The following ADAMTS14 variants were observed in gnomAD, a reference collection of about 807,000 sequenced individuals.
ADAMTS14 encodes ADAM metallopeptidase with thrombospondin type 1 motif 14, also known as A disintegrin and metalloproteinase with thrombospondin motifs 14.
A neutral mutation model predicts 128.6 loss-of-function variants in ADAMTS14; 100 were observed. The ratio of observed to expected loss-of-function variants is 0.78; its 90% CI spans 0.66 to 0.92. The LOEUF is 0.92. Ranked by LOEUF, ADAMTS14 falls within the 40% of genes least tolerant of loss-of-function variation. ADAMTS14 has a pLI of 0.00. For missense variants in ADAMTS14, 1,562 were observed against 1,658.6 expected (o/e 0.94, Z 1.01); for synonymous variants, 665 against 653.8 (o/e 1.02, Z -0.26).
At position 70,729,277 on chromosome 10, in the gene ADAMTS14, G is replaced by T. The variant is rs747633273; in HGVS notation, c.871-17G>T. 43 of 1,604,968 alleles carry T rather than the reference G, an allele frequency of 2.7e-5. No homozygotes were observed. The South Asian group carries it at 3.0e-4, about 11-fold the overall frequency. ...AATGAATGTTTCCTTCCCTTAAACT[G>T]TATTTTCTTCTTGCAGGTAGATGAG... On this transcript the variant is annotated splice_polypyrimidine_tract_variant and intron_variant, in intron 4 of 21. Transcript: ENST00000373207.
At chr10:70,698,345 A>G (rs1260350511) in intron 2 of ADAMTS14, among the ~76,000 whole-genome samples, 1 of 152,202 alleles carries the variant, frequency 6.6e-6, no homozygotes, top group Non-Finnish European at 1.5e-5. Flanking sequence ...GAGTACTTTA[A>G]TGAGGAGGCA....
intron 2 of ADAMTS14, among the ~76,000 whole-genome samples, chr10:70,690,273 A>C (rs1329616093): frequency 6.9e-6 from 1 of 144,280 alleles, no homozygotes; most frequent in Non-Finnish European, 1.6e-5. Context: ...GTGTGGCCAA[A>C]TCTGGAACCT....
At chr10:70,704,538 CAT>C (rs775369643) in intron 3 of ADAMTS14, among the ~76,000 whole-genome samples, 59 of 151,428 alleles carry the variant, frequency 3.9e-4, no homozygotes, top group Admixed American at 1.2e-3. Context: ...CACACTCACA[CAT>C]AGACACACAC....
chr10:70,758,360 A>G (rs138406578), intron 21 of ADAMTS14, 75 bp downstream of exon 21: 17,339 of 1,356,556 alleles, frequency 0.013, 156 homozygotes, highest in Non-Finnish European at 0.015. Flanking sequence ...TGGGCCACTC[A>G]GTGGAGCAAA....
intron 4 of ADAMTS14, among the ~76,000 whole-genome samples, chr10:70,721,019 C>CTTTTTTTT (rs56656736): frequency 0.012 from 1,042 of 84,140 alleles, 2 homozygotes; most frequent in Non-Finnish European, 0.014. Flanking sequence ...TCTCTTTTTT[C>CTTTTTTTT]TTTTTTTTTT....
chr10:70,741,813 G>C (rs1842009212), intron 12 of ADAMTS14, among the ~76,000 whole-genome samples: 1 of 152,198 alleles, frequency 6.6e-6, no homozygotes, highest in Non-Finnish European at 1.5e-5. Context: ...AGTGTTTCCA[G>C]TGATGGCTCC....
At chr10:70,704,993 C>A (rs1457307546) in intron 3 of ADAMTS14, among the ~76,000 whole-genome samples, 1 of 151,612 alleles carries the variant, frequency 6.6e-6, no homozygotes, top group Non-Finnish European at 1.5e-5. Context: ...CACACTGACA[C>A]CCCCTACATA....
intron 8 of ADAMTS14, 32 bp downstream of exon 8, chr10:70,734,060 G>A: frequency 1.2e-6 from 2 of 1,600,558 alleles, no homozygotes; most frequent in Non-Finnish European, 1.7e-6. Flanking sequence ...AGCTGGGATA[G>A]GGGAGCATGC....
chr10:70,735,431 C>T, intron 9 of ADAMTS14, 130 bp downstream of exon 9: 1 of 1,313,142 alleles, frequency 7.6e-7, no homozygotes, highest in Non-Finnish European at 1.0e-6. Context: ...CCCACAGACA[C>T]AGTGCCAGCC....
chr10:70,712,161 C>T (rs538274516), intron 4 of ADAMTS14, among the ~76,000 whole-genome samples: 3 of 152,180 alleles, frequency 2.0e-5, no homozygotes, highest in African/African-American at 7.2e-5. Context: ...AGCCTGAGGC[C>T]GTAGCTGGGG....
rs1329629867 is a variant in ADAMTS14, at chr10:70,762,410, G to A, written c.*1557G>A. 2.0e-5 allele frequency: 3 copies of A among 152,248 alleles called. No homozygotes were observed. The highest frequency in any genetic ancestry group is 7.2e-5 in the African/African-American group (3 of 41,448). 9.4% of individuals were successfully genotyped at this position (152,248 alleles called of 1,614,324 possible). On this transcript the variant is annotated 3_prime_UTR_variant, in exon 22 of 22. Coordinates refer to ENST00000373207, the MANE Select transcript of ADAMTS14 (RefSeq NM_080722.4). The stretch of plus-strand genomic sequence containing the variant: ...GAAATCCAGATCTTTAAAATTTTAT[G>A]TATTTATTAACATCGCCATTGGACC...
chr10:70,713,764 C>T (rs1426737094), intron 4 of ADAMTS14, among the ~76,000 whole-genome samples: 1 of 152,152 alleles, frequency 6.6e-6, no homozygotes, highest in African/African-American at 2.4e-5. Flanking sequence ...TGGAGCAGGA[C>T]CTGTGCCCAG....
At chr10:70,706,129 C>T (rs1374621538) in intron 3 of ADAMTS14, among the ~76,000 whole-genome samples, 1 of 151,750 alleles carries the variant, frequency 6.6e-6, no homozygotes, top group African/African-American at 2.4e-5. Context: ...GGATGAGGGA[C>T]CCACAGAAGA....
chr10:70,760,472 C>G lies in ADAMTS14; in HGVS notation c.3291C>G (p.Ala1097=). 1 of 1,613,944 alleles carries G rather than the reference C, an allele frequency of 6.2e-7. No individual in the cohort carries two copies. Among genetic ancestry groups the G allele is most frequent in the South Asian group, 1.1e-5 (1 of 91,076 alleles). The change falls in exon 22 of 22, where the codon GCC becomes GCG. Residue 1097 remains alanine (A), a synonymous_variant. Transcript: ENST00000373207. ...GCTGTGTGTCCTGCATCAAGAAGGC[C>G]TCGGGCCCCAACCCTGGCCCAGACC... The part of the protein sequence containing the change: ...RLCCVSCIKK[A]SGPNPGPDPG...
intron 11 of ADAMTS14, among the ~76,000 whole-genome samples, chr10:70,740,150 A>G (rs1299003873): frequency 1.3e-5 from 2 of 152,246 alleles, no homozygotes; most frequent in East Asian, 3.8e-4. Flanking sequence ...CACACAAATT[A>G]AATACTTAAT....
chr10:70,733,279 G>T (rs1841708404), intron 7 of ADAMTS14, among the ~76,000 whole-genome samples: 2 of 152,212 alleles, frequency 1.3e-5, no homozygotes. Context: ...GAATTCTTGG[G>T]ATTTGGCATT....
chr10:70,675,204 G>A (rs185328715), intron 2 of ADAMTS14, among the ~76,000 whole-genome samples: 58 of 152,234 alleles, frequency 3.8e-4, no homozygotes, highest in African/African-American at 1.3e-3. Flanking sequence ...TTCACCCCTC[G>A]CCTTCCATGG....
At position 70,760,970 on chromosome 10, in the gene ADAMTS14, C is replaced by A; in HGVS notation, c.*117C>A. 7.4e-7 allele frequency: 1 copy of A among 1,360,384 alleles called. No homozygotes were observed. The allele number at this position is 1,360,384 out of a possible 1,614,324, so 84.3% of individuals were successfully genotyped here. On this transcript the variant is annotated 3_prime_UTR_variant, in exon 22 of 22. Transcript: ENST00000373207. Reference sequence around the variant, plus strand: ...AGCACAGACTTCATTTTAAATCATTCGCCTTCTTCTCGTTTGGGGCTGTGA... The same window carrying A: ...AGCACAGACTTCATTTTAAATCATTAGCCTTCTTCTCGTTTGGGGCTGTGA...
At chr10:70,718,135 C>G (rs1162206117) in intron 4 of ADAMTS14, among the ~76,000 whole-genome samples, 2 of 152,160 alleles carry the variant, frequency 1.3e-5, no homozygotes, top group African/African-American at 2.4e-5. Context: ...TTTGGAACAC[C>G]ACAAAAACTG....
Sources: allele counts gnomAD v4.1 joint callset (sites outside exome capture counted in the v4.1 genomes callset), GRCh38; gene constraint gnomAD v4.1.1; transcripts MANE v1.5; gene names NCBI Gene and HGNC (gene_info 2026-07-23, HGNC 2026-07-21).